The following IGSF21 variants were observed in gnomAD, a reference collection of about 807,000 sequenced individuals.
IGSF21 encodes immunoglobulin superfamily member 21.
Under a neutral mutation model 46.8 loss-of-function variants are expected in IGSF21, and 28 were observed. The ratio of observed to expected loss-of-function variants is 0.60; its 90% confidence interval spans 0.44 to 0.82. The LOEUF (loss-of-function observed/expected upper bound fraction) is 0.82. IGSF21 is among the 40% of genes least tolerant of loss of function. The pLI is 0.00. For synonymous variants in IGSF21, 284 were observed against 273.6 expected (o/e 1.04, Z -0.38); for missense variants, 624 against 665.5 (o/e 0.94, Z 0.69).
In IGSF21 at chr1:18,335,351, C is replaced by A. The variant is rs1024072878; in HGVS notation, c.424+341C>A. On this transcript the variant is annotated intron_variant, in intron 4 of 9. Transcript: ENST00000251296. The surrounding 1 kb of genome is among the most constrained non-coding windows in gnomAD (Gnocchi z 4.8). ...TATTCTGCCCCTCAGCCAAAAGATTCTCCTGCACCTCCTGAGGCCTTAATG... is the reference window on the plus strand; with the variant it reads ...TATTCTGCCCCTCAGCCAAAAGATTATCCTGCACCTCCTGAGGCCTTAATG... 6.6e-6 allele frequency among the ~76,000 whole-genome samples: 1 copy of A among 152,356 alleles called. No homozygotes were observed.
intron 3 of IGSF21, among the ~76,000 whole-genome samples, chr1:18,325,094 C>T (rs2006269): frequency 0.024 from 3,725 of 152,240 alleles, 93 homozygotes; most frequent in African/African-American, 0.063. Context: ...GAGAGTGCAT[C>T]GCCATCTCTT....
At chr1:18,203,411 C>T (rs1025678027) in intron 1 of IGSF21, among the ~76,000 whole-genome samples, 5 of 152,148 alleles carry the variant, frequency 3.3e-5, no homozygotes, top group Admixed American at 2.0e-4. Context: ...CAGGTTCAAG[C>T]GATTCTTGTG....
At chr1:18,173,641 A>G (rs2124461733) in intron 1 of IGSF21, among the ~76,000 whole-genome samples, 1 of 152,346 alleles carries the variant, frequency 6.6e-6, no homozygotes, top group African/African-American at 2.4e-5. Flanking sequence ...ATGTGGTTAC[A>G]CGGACCACTC....
At chr1:18,336,987 G>T (rs116467420) in intron 4 of IGSF21, among the ~76,000 whole-genome samples, 1 of 152,240 alleles carries the variant, frequency 6.6e-6, no homozygotes, top group East Asian at 1.9e-4. Flanking sequence ...AGGAAAGACC[G>T]ACCCCTATGA....
intron 4 of IGSF21, among the ~76,000 whole-genome samples, chr1:18,352,591 C>T (rs193036424): frequency 1.6e-4 from 24 of 152,158 alleles, no homozygotes; most frequent in Non-Finnish European, 3.5e-4. Flanking sequence ...CGTCTGTGGC[C>T]GCCCACCACC....
At chr1:18,264,064 C>A (rs946412160) in intron 2 of IGSF21, among the ~76,000 whole-genome samples, 5 of 152,154 alleles carry the variant, frequency 3.3e-5, no homozygotes, top group Non-Finnish European at 5.9e-5. Flanking sequence ...AAATAAAACC[C>A]CTTAACTGCT....
intron 1 of IGSF21, among the ~76,000 whole-genome samples, chr1:18,143,454 C>T (rs925523497): frequency 2.0e-5 from 3 of 152,106 alleles, no homozygotes; most frequent in Non-Finnish European, 4.4e-5. Flanking sequence ...TCCATGGCTC[C>T]CCAGTGCCCA....
rs534986856 is a variant in IGSF21, at chr1:18,335,357, C to T, written c.424+347C>T. Among the ~76,000 whole-genome samples, 36 of 152,352 alleles carry T rather than the reference C, an allele frequency of 2.4e-4. No individual in the cohort carries two copies. The highest frequency in any genetic ancestry group is 4.4e-4 in the Non-Finnish European group (30 of 68,036). Reference sequence around the variant, plus strand: ...GCCCCTCAGCCAAAAGATTCTCCTGCACCTCCTGAGGCCTTAATGGAGAGG... The same window carrying T: ...GCCCCTCAGCCAAAAGATTCTCCTGTACCTCCTGAGGCCTTAATGGAGAGG... On this transcript the variant is annotated intron_variant, in intron 4 of 9. Coordinates refer to ENST00000251296, the MANE Select transcript of IGSF21 (RefSeq NM_032880.5). The surrounding 1 kb of genome is among the most constrained non-coding windows in gnomAD (Gnocchi z 4.8).
intron 3 of IGSF21, among the ~76,000 whole-genome samples, chr1:18,315,751 G>T (rs1328197426): frequency 6.6e-6 from 1 of 152,018 alleles, no homozygotes; most frequent in Non-Finnish European, 1.5e-5. Context: ...TAAGTGGATG[G>T]TAAGTGGGTG....
At chr1:18,197,193 C>T (rs535512267) in intron 1 of IGSF21, among the ~76,000 whole-genome samples, 10 of 152,298 alleles carry the variant, frequency 6.6e-5, no homozygotes, top group African/African-American at 2.4e-4. Context: ...TAAAGCCACT[C>T]CTGTCCCTTC....
intron 4 of IGSF21, among the ~76,000 whole-genome samples, chr1:18,359,608 C>A (rs747651089): frequency 6.6e-6 from 1 of 152,090 alleles, no homozygotes; most frequent in East Asian, 1.9e-4. Context: ...TTAAAGGAGT[C>A]GCCTGCCTGG....
intron 1 of IGSF21, among the ~76,000 whole-genome samples, chr1:18,186,629 T>TA (rs1030385359): frequency 6.6e-6 from 1 of 152,196 alleles, no homozygotes; most frequent in Non-Finnish European, 1.5e-5. Context: ...GCAGAGTATT[T>TA]AAAAAACACT....
At chr1:18,142,055 G>A (rs1297987925) in intron 1 of IGSF21, among the ~76,000 whole-genome samples, 1 of 152,136 alleles carries the variant, frequency 6.6e-6, no homozygotes, top group East Asian at 1.9e-4. Flanking sequence ...GGGCAACAGA[G>A]TGATACTGTC....
intron 1 of IGSF21, among the ~76,000 whole-genome samples, chr1:18,193,813 T>G (rs1316482215): frequency 1.3e-5 from 2 of 152,164 alleles, no homozygotes; most frequent in Non-Finnish European, 1.5e-5. Context: ...GGGGCAGGGA[T>G]GGACAGGGTG....
intron 2 of IGSF21, among the ~76,000 whole-genome samples, chr1:18,261,897 A>G (rs1298968146): frequency 6.6e-6 from 1 of 152,202 alleles, no homozygotes; most frequent in East Asian, 1.9e-4. Context: ...GTGGATGTGA[A>G]CCAGCAAAGG....
intron 1 of IGSF21, among the ~76,000 whole-genome samples, chr1:18,140,724 C>T (rs529895857): frequency 2.7e-4 from 41 of 152,338 alleles, no homozygotes; most frequent in African/African-American, 9.9e-4. Context: ...GAAGTCTTCC[C>T]TGACTACGCC....
chr1:18,172,990 T>C (rs1570298450), intron 1 of IGSF21, among the ~76,000 whole-genome samples: 1 of 152,176 alleles, frequency 6.6e-6, no homozygotes, highest in African/African-American at 2.4e-5. Flanking sequence ...TTTTCACATT[T>C]TAAAAAAACA....
At chr1:18,188,339 GA>G (rs2086923910) in intron 1 of IGSF21, among the ~76,000 whole-genome samples, 1 of 152,060 alleles carries the variant, frequency 6.6e-6, no homozygotes, top group Non-Finnish European at 1.5e-5. Context: ...CTCCTCCTTG[GA>G]AATACAGTTT....
chr1:18,243,819 G>A (rs1344461809), intron 2 of IGSF21, among the ~76,000 whole-genome samples: 1 of 152,144 alleles, frequency 6.6e-6, no homozygotes, highest in East Asian at 1.9e-4. Context: ...GAACCCTGAG[G>A]AGCGAGCATA....
Sources: allele counts gnomAD v4.1 joint callset (sites outside exome capture counted in the v4.1 genomes callset), GRCh38; gene constraint gnomAD v4.1.1; non-coding constraint Gnocchi (gnomAD v3.1); transcripts MANE v1.5; gene names NCBI Gene and HGNC (gene_info 2026-07-23, HGNC 2026-07-21).